NISCH: variants seen among roughly 807,000 people sequenced by gnomAD.
NISCH encodes I-1 receptor candidate protein.
Under a neutral mutation model 138.4 loss-of-function variants are expected in NISCH, and 55 were observed. The observed-to-expected ratio is 0.40, with a 90% CI of 0.32 to 0.50. The LOEUF (loss-of-function observed/expected upper bound fraction) is 0.50, where lower values mean the gene tolerates loss of function less well. Among genes scored for constraint, NISCH ranks in the 20% least tolerant of loss-of-function variants. NISCH has a pLI of 0.71. For synonymous variants in NISCH, 860 were observed against 861.5 expected, an observed-to-expected ratio of 1.00 and a Z score of 0.03; for missense variants, 1,643 against 2,005.5, an observed-to-expected ratio of 0.82 and a Z score of 3.45.
At position 52,473,784 on chromosome 3, in the gene NISCH, C is replaced by T. The variant is rs61134406; in HGVS notation, c.720C>T (p.Pro240=). The T allele has an allele frequency of 6.6e-3, 10,656 of 1,610,152 alleles. 546 individuals carry two copies. The African/African-American group carries it at 0.12, about 18-fold the overall frequency. Residue 240 remains proline (P), a synonymous_variant, in exon 7 of 21, where the codon CCC becomes CCT. Coordinates refer to ENST00000345716, the MANE Select transcript of NISCH (RefSeq NM_007184.4). ...KHIRGLVASK[P]TLATLSVRFS... ...TCAGAGGGCTGGTCGCATCGAAGCC[C>T]ACCTTAGCCACGCTGAGTGTCCGCT...
In NISCH at chr3:52,476,532, C is replaced by G. The variant is rs758802811; in HGVS notation, c.851C>G (p.Pro284Arg). The G allele has an allele frequency of 1.2e-6, 2 of 1,614,120 alleles. No homozygotes were observed. Among genetic ancestry groups the G allele is most frequent in the East Asian group, 2.2e-5 (1 of 44,890 alleles). The change falls in exon 8 of 21, where the codon CCC (proline) becomes CGC (arginine). Residue 284 changes from proline to arginine, a missense_variant. Transcript: ENST00000345716. ...GAAGGCCCTGTGACTGCCGTCATCC[C>G]CACTTGGCAGGCATTGACCACGCTT... The part of the protein sequence containing the change: ...TLEGPVTAVI[P>R]TWQALTTLDL...
chr3:52,470,985 T>C, intron 4 of NISCH, 78 bp downstream of exon 4: 2 of 1,483,972 alleles, frequency 1.3e-6, no homozygotes, highest in Non-Finnish European at 1.9e-6. Flanking sequence ...CAGGATGGCA[T>C]AGAAGTCACT....
Position 52,492,476 on chromosome 3 carries a change from C to G in NISCH, c.4509C>G (p.Thr1503=). Residue 1503 remains threonine, a synonymous_variant, in exon 21 of 21, where the codon ACC becomes ACG. Coordinates refer to ENST00000345716, the MANE Select transcript of NISCH (RefSeq NM_007184.4). ...GCCGTGAGCTGCCTGTCGAGCTCACCGGCTAGCCCAGGCCACAGCCAGCCT... is the reference window on the plus strand; with the variant it reads ...GCCGTGAGCTGCCTGTCGAGCTCACGGGCTAGCCCAGGCCACAGCCAGCCT... ...LCGRELPVEL[T]G is the part of the protein sequence containing the mutation. The G allele has an allele frequency of 6.3e-7, 1 of 1,594,884 alleles. No homozygotes were observed. The highest frequency in any genetic ancestry group is 8.5e-7 in the Non-Finnish European group (1 of 1,170,820).
At chr3:52,465,897 T>C (rs970895267) in intron 3 of NISCH, among the ~76,000 whole-genome samples, 1 of 152,204 alleles carries the variant, frequency 6.6e-6, no homozygotes, top group Non-Finnish European at 1.5e-5. Flanking sequence ...GGGCTGACCA[T>C]GTGCTAGCCA....
At chr3:52,470,120 T>C (rs1179398264) in intron 3 of NISCH, among the ~76,000 whole-genome samples, 4 of 151,928 alleles carry the variant, frequency 2.6e-5, no homozygotes, top group Non-Finnish European at 4.4e-5. Context: ...AGTTATCGCT[T>C]TTCCTCTTGT....
chr3:52,488,702 G>A (rs898258455), intron 16 of NISCH, 97 bp downstream of exon 16: 35 of 1,086,582 alleles, frequency 3.2e-5, no homozygotes, highest in African/African-American at 2.7e-4. Flanking sequence ...GAGTTGCTGC[G>A]AGAGCTGGGC....
intron 2 of NISCH, 28 bp downstream of exon 2, chr3:52,457,954 T>A: frequency 6.4e-7 from 1 of 1,567,070 alleles, no homozygotes; most frequent in Non-Finnish European, 8.8e-7. Flanking sequence ...GGAGCACGTA[T>A]CTCAGGGCTG....
At chr3:52,465,570 G>A (rs1706758226) in intron 3 of NISCH, among the ~76,000 whole-genome samples, 1 of 152,218 alleles carries the variant, frequency 6.6e-6, no homozygotes, top group Non-Finnish European at 1.5e-5. Context: ...TCTTCAGATT[G>A]CTGTGTCCTG....
chr3:52,489,753 G>A, intron 17 of NISCH, 75 bp downstream of exon 17: 2 of 1,550,634 alleles, frequency 1.3e-6, no homozygotes, highest in Non-Finnish European at 1.7e-6. Flanking sequence ...CTTCAGGTCA[G>A]CCTCAGGTCC....
rs765671389 is a variant in NISCH, at chr3:52,488,379, C to T, written c.2887C>T (p.Arg963Trp). The T allele has an allele frequency of 6.2e-6, 10 of 1,613,854 alleles. No homozygotes were observed. The highest frequency in any genetic ancestry group is 2.2e-5 in the East Asian group (1 of 44,888). ...LDPTRSCTQP[R>W]GAFADGHVLE... ...CCCCACACGCAGCTGTACCCAGCCT[C>T]GGGGCGCCTTTGCTGATGGCCACGT... is the stretch of plus-strand genomic sequence containing the variant. Residue 963 changes from arginine (R) to tryptophan (W), a missense_variant, in exon 16 of 21, where the codon CGG (arginine) becomes TGG (tryptophan). By Grantham distance (101) the Arg-to-Trp change is moderately radical. Coordinates refer to ENST00000345716, the MANE Select transcript of NISCH (RefSeq NM_007184.4).
chr3:52,464,589 A>G (rs977200064), intron 3 of NISCH, among the ~76,000 whole-genome samples: 3 of 118,756 alleles, frequency 2.5e-5, no homozygotes, highest in Admixed American at 2.4e-4. Context: ...TAGTGGCGTG[A>G]TCTCGACTCA....
chr3:52,473,856 G>A, intron 7 of NISCH, 27 bp downstream of exon 7: 1 of 1,510,168 alleles, frequency 6.6e-7, no homozygotes, highest in Non-Finnish European at 9.1e-7. Context: ...TCCTGCCTGG[G>A]GCAATGTCTG....
chr3:52,489,957 G>T, intron 17 of NISCH, 118 bp from the exon 18 acceptor site: 2 of 1,394,216 alleles, frequency 1.4e-6, no homozygotes, highest in Non-Finnish European at 2.0e-6. Flanking sequence ...TGAAGCATAC[G>T]GATTCATTGG....
Position 52,490,062 on chromosome 3 carries a change from C to G in NISCH, c.3457-13C>G, listed in dbSNP as rs373896370. 6.2e-7 allele frequency: 1 copy of G among 1,613,146 alleles called. No homozygotes were observed. Among genetic ancestry groups the G allele is most frequent in the Non-Finnish European group, 8.5e-7 (1 of 1,179,828 alleles). ...TAGGGTGGTGGAGCTGACAGGAGGC[C>G]CCCCGTCTTCAGGTTGAAAACGAGG... is the stretch of plus-strand genomic sequence containing the variant. On this transcript the variant is annotated splice_polypyrimidine_tract_variant and intron_variant, in intron 17 of 20. Transcript: ENST00000345716.
At chr3:52,479,659 A>C (rs1707210464) in intron 11 of NISCH, 90 bp from the exon 12 acceptor site, 1 of 933,890 alleles carries the variant, frequency 1.1e-6, no homozygotes, top group Admixed American at 2.4e-5. Flanking sequence ...TGCCATGCTC[A>C]CCAGTCCCCA....
intron 14 of NISCH, among the ~76,000 whole-genome samples, chr3:52,485,126 A>G (rs1248269568): frequency 6.6e-6 from 1 of 151,980 alleles, no homozygotes; most frequent in Non-Finnish European, 1.5e-5. Flanking sequence ...GTTGTTACTG[A>G]GAGTTCTGGG....
intron 13 of NISCH, 51 bp from the exon 14 acceptor site, chr3:52,484,462 T>TAGCCCC: frequency 1.5e-5 from 12 of 788,668 alleles, no homozygotes; most frequent in Non-Finnish European, 2.2e-5. Context: ...ACAGCCGCTC[T>TAGCCCC]CCCCGCCCCA....
intron 3 of NISCH, among the ~76,000 whole-genome samples, chr3:52,467,527 A>G (rs1242419388): frequency 2.0e-5 from 3 of 152,172 alleles, no homozygotes; most frequent in Non-Finnish European, 2.9e-5. Context: ...TTGGGGGCTG[A>G]GGCATTTCTG....
Position 52,479,767 on chromosome 3 carries a change from G to C in NISCH, c.1321G>C (p.Val441Leu). 1.2e-6 allele frequency: 2 copies of C among 1,613,430 alleles called. 1 individual carries two copies. The highest frequency in any genetic ancestry group is 2.2e-5 in the South Asian group (2 of 90,920). ...RASEVCLDDT[V>L]TTEKELDTVE... Reference sequence around the variant, plus strand: ...GCTCTAGGTCTGTCTGGATGACACAGTGACCACAGAGAAGGAGCTGGACAC... The same window carrying C: ...GCTCTAGGTCTGTCTGGATGACACACTGACCACAGAGAAGGAGCTGGACAC... Residue 441 changes from valine to leucine, a missense_variant, in exon 12 of 21, where the codon GTG (valine) becomes CTG (leucine). Transcript: ENST00000345716.
Sources: allele counts gnomAD v4.1 joint callset (sites outside exome capture counted in the v4.1 genomes callset), GRCh38; gene constraint gnomAD v4.1.1; transcripts MANE v1.5; gene names NCBI Gene and HGNC (gene_info 2026-07-23, HGNC 2026-07-21).